PLA2G6: variants seen among roughly 807,000 people sequenced by gnomAD.
The protein encoded by PLA2G6 is 85/88 kDa calcium-independent phospholipase A2.
A neutral mutation model predicts 83.8 loss-of-function variants in PLA2G6; 62 were observed. That is an observed-to-expected ratio of 0.74 (90% CI 0.60 to 0.91). The LOEUF is 0.91. Ranked by LOEUF, PLA2G6 falls within the 40% of genes least tolerant of loss-of-function variation. The probability of loss-of-function intolerance (pLI) is 0.00; values close to 1 mark genes in which losing one functional copy is unlikely to be tolerated. For missense variants in PLA2G6, 944 were observed against 1,102.0 expected, an observed-to-expected ratio of 0.86 and a Z score of 2.03; for synonymous variants, 417 against 449.8, an observed-to-expected ratio of 0.93 and a Z score of 0.92.
chr22:38,128,516 C>T lies in PLA2G6; in HGVS notation c.1187-86G>A, dbSNP rs1602118931. 11 of 1,436,080 alleles carry T rather than the reference C, an allele frequency of 7.7e-6. No individual in the cohort carries two copies. Among genetic ancestry groups the T allele is most frequent in the Admixed American group, 1.8e-5 (1 of 54,072 alleles). 89.0% of individuals were successfully genotyped at this position (1,436,080 alleles called of 1,614,324 possible). ...GGAGAGGCCCCTCCTTTCCACACTC[C>T]GTCCCCTGTCCCAGCTCCCAGGCCC... On this transcript the variant is annotated intron_variant, in intron 8 of 16. Coordinates refer to ENST00000332509, the MANE Select transcript of PLA2G6 (RefSeq NM_003560.4). The surrounding 1 kb of genome is among the most constrained non-coding windows in gnomAD (Gnocchi z 4.4).
chr22:38,118,279 G>A (rs555134692), intron 12 of PLA2G6, among the ~76,000 whole-genome samples: 11 of 152,268 alleles, frequency 7.2e-5, no homozygotes, highest in African/African-American at 2.4e-4. Flanking sequence ...AGCTTAATTG[G>A]TTTGCCTTGT....
chr22:38,176,201 A>G (rs1430109948), intron 1 of PLA2G6, among the ~76,000 whole-genome samples: 4 of 152,104 alleles, frequency 2.6e-5, no homozygotes, highest in Admixed American at 2.6e-4. Flanking sequence ...GTTCAGCTTT[A>G]TATATAGTCA....
intron 2 of PLA2G6, among the ~76,000 whole-genome samples, chr22:38,154,156 G>A (rs559716241): frequency 1.3e-5 from 2 of 152,366 alleles, no homozygotes; most frequent in African/African-American, 4.8e-5. Flanking sequence ...GACCTTCCCA[G>A]GATGGGGGTA....
chr22:38,131,425 A>G (rs994399685), intron 7 of PLA2G6: 10 of 152,110 alleles, frequency 6.6e-5, no homozygotes, highest in African/African-American at 2.4e-4. Context: ...AATATTTTGA[A>G]ATTTTCACAC....
chr22:38,116,851 C>CAAAAAAAAAAAAAAAAAAAAAAAA (rs57712042), intron 12 of PLA2G6, among the ~76,000 whole-genome samples: 3 of 37,656 alleles, frequency 8.0e-5, no homozygotes, highest in Non-Finnish European at 1.0e-4. Flanking sequence ...AACTCCGTCT[C>CAAAAAAAAAAAAAAAAAAAAAAAA]AAAAAAAAAA....
chr22:38,146,179 G>A (rs1339554316), intron 2 of PLA2G6: 1 of 174,564 alleles, frequency 5.7e-6, no homozygotes, highest in Non-Finnish European at 1.2e-5. Flanking sequence ...GGGATTAAAG[G>A]CGTGTGCTGC....
At chr22:38,115,115 G>A (rs144340254) in intron 14 of PLA2G6, among the ~76,000 whole-genome samples, 1 of 152,284 alleles carries the variant, frequency 6.6e-6, no homozygotes, top group Non-Finnish European at 1.5e-5. Flanking sequence ...AGCCCTTTCC[G>A]AGCCCCCAGG....
In PLA2G6 at chr22:38,118,047, A is replaced by G. The variant is rs1277432339; in HGVS notation, c.1743-1836T>C. 2.6e-5 allele frequency among the ~76,000 whole-genome samples: 4 copies of G among 152,056 alleles called. No homozygotes were observed. In the East Asian group the frequency reaches 5.8e-4, roughly 22 times the overall value. ...CAAGACTCCATCTCAAAAAAAAAAAAAAAGAAAGAAATAAGCCAGTCACAA... is the reference window on the plus strand; with the variant it reads ...CAAGACTCCATCTCAAAAAAAAAAAGAAAGAAAGAAATAAGCCAGTCACAA... On this transcript the variant is annotated intron_variant, in intron 12 of 16. Transcript: ENST00000332509.
In PLA2G6 at chr22:38,111,849, A is replaced by C; in HGVS notation, c.*312T>G. 11 of 400,374 alleles carry C rather than the reference A, an allele frequency of 2.7e-5. No individual in the cohort carries two copies. Among genetic ancestry groups the C allele is most frequent in the East Asian group, 2.2e-4 (4 of 17,794 alleles). 24.8% of individuals were successfully genotyped at this position (400,374 alleles called of 1,614,324 possible). On this transcript the variant is annotated 3_prime_UTR_variant, in exon 17 of 17. Transcript: ENST00000332509. ...GGAGGCTGGGGCTGGGGGCAGGGGTACGGTTGTGCCCGGGTACCCTTAATG... is the reference window on the plus strand; with the variant it reads ...GGAGGCTGGGGCTGGGGGCAGGGGTCCGGTTGTGCCCGGGTACCCTTAATG...
intron 2 of PLA2G6, chr22:38,146,768 T>TTTCC (rs2089283540): frequency 1.9e-5 from 2 of 104,854 alleles, no homozygotes; most frequent in Non-Finnish European, 3.9e-5. Context: ...AAACTTTTCT[T>TTTCC]TTTCTTTTCT....
rs1161724677 is a variant in PLA2G6 at position 38,133,029 on chromosome 22, A to G, written c.895-16T>C. The G allele has an allele frequency of 2.6e-6, 4 of 1,553,148 alleles. No individual in the cohort carries two copies. The highest frequency in any genetic ancestry group is 2.6e-6 in the Non-Finnish European group (3 of 1,151,230). ...TGCGGGCCATCTGCGGGAGACGGTC[A>G]GGCTGAGTTAGCACAGGCACTCGGG... On this transcript the variant is annotated splice_polypyrimidine_tract_variant and intron_variant, in intron 6 of 16. Transcript: ENST00000332509.
At chr22:38,145,720 G>T in intron 2 of PLA2G6, 67 bp from the exon 3 acceptor site, 1 of 1,152,438 alleles carries the variant, frequency 8.7e-7, no homozygotes, top group Non-Finnish European at 1.3e-6. Context: ...CCACATCCCT[G>T]CTGGAATCAG....
chr22:38,112,699 C>A, intron 15 of PLA2G6, 122 bp from the exon 16 acceptor site: 1 of 798,270 alleles, frequency 1.3e-6, no homozygotes, highest in South Asian at 1.4e-5. Context: ...TCGAGTCAGG[C>A]TGAGCCACAC....
At chr22:38,148,407 C>T (rs2089385800) in intron 2 of PLA2G6, 1 of 688,420 alleles carries the variant, frequency 1.5e-6, no homozygotes, top group Admixed American at 2.1e-5. Context: ...AGACCACCTA[C>T]TGAGGACAGC....
intron 2 of PLA2G6, chr22:38,147,414 G>A (rs1431806611): frequency 5.9e-6 from 1 of 169,120 alleles, no homozygotes; most frequent in Non-Finnish European, 1.5e-5. Context: ...TTGGCTCAAC[G>A]GGACCAGCCT....
chr22:38,115,701 G>A lies in PLA2G6; in HGVS notation c.1880-20C>T, dbSNP rs1021782317. ...GCTGGTCTAGGGGCGGGGAAGGAGG[G>A]CGGCCCAGTGGCACAAGGGACTGGC... On this transcript the variant is annotated intron_variant, in intron 13 of 16. Transcript: ENST00000332509. 7.6e-6 allele frequency: 12 copies of A among 1,585,766 alleles called. No individual in the cohort carries two copies. Among genetic ancestry groups the A allele is most frequent in the Non-Finnish European group, 1.0e-5 (12 of 1,167,000 alleles).
At chr22:38,121,691 T>C (rs1290985862) in intron 11 of PLA2G6, among the ~76,000 whole-genome samples, 1 of 151,866 alleles carries the variant, frequency 6.6e-6, no homozygotes, top group Non-Finnish European at 1.5e-5. Flanking sequence ...ACCTCTCAAA[T>C]CCCCTCCATG....
Position 38,128,031 on chromosome 22 carries a change from C to T in PLA2G6, c.1348+238G>A. 1 of 562,586 alleles carries T rather than the reference C, an allele frequency of 1.8e-6. No homozygotes were observed. The highest frequency in any genetic ancestry group is 4.8e-4 in the Middle Eastern group (1 of 2,084). 34.8% of individuals were successfully genotyped at this position (562,586 alleles called of 1,614,324 possible). ...CCACTGGAAATGCCCAGGCCTGAGA[C>T]TGTGTGCAGGACACATCCTCTCAGG... is the stretch of plus-strand genomic sequence containing the variant. On this transcript the variant is annotated intron_variant, in intron 9 of 16. Coordinates refer to ENST00000332509, the MANE Select transcript of PLA2G6 (RefSeq NM_003560.4). This position sits in a 1 kb window ranked among gnomAD's most constrained non-coding sequence, Gnocchi z 4.4.
At chr22:38,179,426 C>A (rs2090761291) in intron 1 of PLA2G6, among the ~76,000 whole-genome samples, 1 of 152,112 alleles carries the variant, frequency 6.6e-6, no homozygotes, top group African/African-American at 2.4e-5. Flanking sequence ...GTGGGAGGGA[C>A]ATGTTTTGGT....
Sources: allele counts gnomAD v4.1 joint callset (sites outside exome capture counted in the v4.1 genomes callset), GRCh38; gene constraint gnomAD v4.1.1; non-coding constraint Gnocchi (gnomAD v3.1); transcripts MANE v1.5; gene names NCBI Gene and HGNC (gene_info 2026-07-23, HGNC 2026-07-21).